HMGB2: variants seen among roughly 807,000 people sequenced by gnomAD.
HMGB2 encodes the protein high mobility group protein B2.
A neutral mutation model predicts 23.0 loss-of-function variants in HMGB2; 2 were observed. That is an observed-to-expected ratio of 0.09 (90% CI 0.04 to 0.27). The LOEUF (loss-of-function observed/expected upper bound fraction) is 0.27, where lower values mean the gene tolerates loss of function less well. HMGB2 is among the 10% of genes least tolerant of loss of function. HMGB2 has a pLI of 1.00. For synonymous variants in HMGB2, 99 were observed against 87.5 expected (o/e 1.13, Z -0.73); for missense variants, 178 against 256.5 (o/e 0.69, Z 2.09).
rs563267252 is a variant in HMGB2, at chr4:173,331,492, T to C, written c.*588A>G. Among the ~76,000 whole-genome samples, 8 of 150,852 alleles carry C rather than the reference T, an allele frequency of 5.3e-5. No homozygotes were observed. Among genetic ancestry groups the C allele is most frequent in the Non-Finnish European group, 1.0e-4 (7 of 67,790 alleles). ...TTCTGTAAAACTGCATAAATTCTTA[T>C]AAAGTTCACTGAGTTCAACATGTAA... On this transcript the variant is annotated 3_prime_UTR_variant, in exon 5 of 5. Coordinates refer to ENST00000296503, the MANE Select transcript of HMGB2 (RefSeq NM_002129.4).
intron 4 of HMGB2, 85 bp downstream of exon 4, chr4:173,332,736 C>A (rs1738137407): frequency 1.7e-6 from 2 of 1,204,550 alleles, no homozygotes; most frequent in Non-Finnish European, 2.4e-6. Flanking sequence ...ACCATTAATA[C>A]AAGATTAACT....
chr4:173,333,207 G>C lies in HMGB2; in HGVS notation c.158C>G (p.Ser53Cys). 6.2e-7 allele frequency: 1 copy of C among 1,613,620 alleles called. No homozygotes were observed. Among genetic ancestry groups the C allele is most frequent in the South Asian group, 1.1e-5 (1 of 91,034 alleles). The stretch of plus-strand genomic sequence containing the variant: ...TTCAAACTTCGACTTCTCCTTTGCA[G>C]ACATGGTCTGTGGACATAAAATAAG... ...KKCSERWKTM[S>C]AKEKSKFEDM... is the part of the protein sequence containing the mutation. Residue 53 changes from serine to cysteine, a missense_variant, in exon 3 of 5, where the codon TCT becomes TGT. Physicochemically the swap from Ser to Cys is moderately radical, Grantham distance 112. This residue lies in a region of HMGB2 where 90 missense variants were observed against 114.4 expected (regional missense o/e 0.79). Transcript: ENST00000296503. This position sits in a 1 kb window ranked among gnomAD's most constrained non-coding sequence, Gnocchi z 4.6.
Position 173,331,783 on chromosome 4 carries a change from C to T in HMGB2, c.*297G>A, listed in dbSNP as rs966729154. ...AAAAACCCAAAATTTACTATTGATA[C>T]TAATTCCTACAAGTTTGCTGTGCTA... is the stretch of plus-strand genomic sequence containing the variant. On this transcript the variant is annotated 3_prime_UTR_variant, in exon 5 of 5. Transcript: ENST00000296503. 5 of 265,276 alleles carry T rather than the reference C, an allele frequency of 1.9e-5. No individual in the cohort carries two copies. Among genetic ancestry groups the T allele is most frequent in the Middle Eastern group, 1.1e-3 (1 of 892 alleles). The allele number at this position is 265,276 out of a possible 1,614,324, so 16.4% of individuals were successfully genotyped here.
Position 173,332,131 on chromosome 4 carries a change from C to T in HMGB2, c.579G>A (p.Glu193=). 6.2e-7 allele frequency: 1 copy of T among 1,608,818 alleles called. No homozygotes were observed. Among genetic ancestry groups the T allele is most frequent in the Non-Finnish European group, 8.5e-7 (1 of 1,175,510 alleles). ...CCTCATCTTCATCTTCTTCTTCCTC[C>T]TCCTCCTCCTCATCTTCTGGTTCGT... The part of the protein sequence containing the change: ...KKNEPEDEEE[E]EEEEDEDEEE... Residue 193 remains glutamate (E), a synonymous_variant, in exon 5 of 5, where the codon GAG becomes GAA. Transcript: ENST00000296503.
At position 173,333,300 on chromosome 4, in the gene HMGB2, C is replaced by A; in HGVS notation, c.151-86G>T. 6.8e-7 allele frequency: 1 copy of A among 1,461,788 alleles called. No individual in the cohort carries two copies. 90.6% of individuals were successfully genotyped at this position (1,461,788 alleles called of 1,614,324 possible). On this transcript the variant is annotated intron_variant, in intron 2 of 4. Coordinates refer to ENST00000296503, the MANE Select transcript of HMGB2 (RefSeq NM_002129.4). The surrounding 1 kb of genome is among the most constrained non-coding windows in gnomAD (Gnocchi z 4.6). ...ACGACAAGATCATCTTTAAGGACCA[C>A]ATTTTCCTTAACAGCATTTTGCTTT...
Position 173,333,231 on chromosome 4 carries a change from A to G in HMGB2, c.151-17T>C. 6.2e-7 allele frequency: 1 copy of G among 1,603,608 alleles called. No homozygotes were observed. Among genetic ancestry groups the G allele is most frequent in the Non-Finnish European group, 8.5e-7 (1 of 1,176,314 alleles). On this transcript the variant is annotated splice_polypyrimidine_tract_variant and intron_variant, in intron 2 of 4. Coordinates refer to ENST00000296503, the MANE Select transcript of HMGB2 (RefSeq NM_002129.4). The surrounding 1 kb of genome is among the most constrained non-coding windows in gnomAD (Gnocchi z 4.6). The stretch of plus-strand genomic sequence containing the variant: ...AGACATGGTCTGTGGACATAAAATA[A>G]GAGCCAAAAATACAGCAAAATTGTT...
At position 173,333,223 on chromosome 4, in the gene HMGB2, A is replaced by G. The variant is rs542465813; in HGVS notation, c.151-9T>C. 7 of 1,605,230 alleles carry G rather than the reference A, an allele frequency of 4.4e-6. No individual in the cohort carries two copies. The highest frequency in any genetic ancestry group is 3.3e-5 in the South Asian group (3 of 89,774). Reference sequence around the variant, plus strand: ...TCCTTTGCAGACATGGTCTGTGGACATAAAATAAGAGCCAAAAATACAGCA... The same window carrying G: ...TCCTTTGCAGACATGGTCTGTGGACGTAAAATAAGAGCCAAAAATACAGCA... On this transcript the variant is annotated splice_polypyrimidine_tract_variant and intron_variant, in intron 2 of 4. Transcript: ENST00000296503. The surrounding 1 kb of genome is among the most constrained non-coding windows in gnomAD (Gnocchi z 4.6).
Position 173,333,017 on chromosome 4 carries a change from T to C in HMGB2, c.297-22A>G. 6.2e-7 allele frequency: 1 copy of C among 1,612,892 alleles called. No individual in the cohort carries two copies. On this transcript the variant is annotated intron_variant, in intron 3 of 4. Transcript: ENST00000296503. The surrounding 1 kb of genome is among the most constrained non-coding windows in gnomAD (Gnocchi z 4.6). ...AGATCTGAAAGGAAGCAACAGAGTT[T>C]AATAAACTGAAGGAAAAATCCAAGG... is the stretch of plus-strand genomic sequence containing the variant.
In HMGB2 at chr4:173,331,387, T is replaced by TATAC. The variant is rs1305945283; in HGVS notation, c.*692_*693insGTAT. ...GTGTATATATATACATATATATATA[T>TATAC]ATATATATGTATATATATATACACA... is the stretch of plus-strand genomic sequence containing the variant. On this transcript the variant is annotated 3_prime_UTR_variant, in exon 5 of 5. Coordinates refer to ENST00000296503, the MANE Select transcript of HMGB2 (RefSeq NM_002129.4). Among the ~76,000 whole-genome samples, 16 of 140,512 alleles carry TATAC rather than the reference T, an allele frequency of 1.1e-4. No individual in the cohort carries two copies. The highest frequency in any genetic ancestry group is 2.6e-4 in the African/African-American group (9 of 34,754). The allele number at this position is 140,512 out of a possible 152,430, so 92.2% of individuals were successfully genotyped here.
At position 173,333,057 on chromosome 4, in the gene HMGB2, T is replaced by C; in HGVS notation, c.296+12A>G. The C allele has an allele frequency of 6.2e-7, 1 of 1,613,056 alleles. No homozygotes were observed. The highest frequency in any genetic ancestry group is 8.5e-7 in the Non-Finnish European group (1 of 1,179,486). ...AAAATCCAAGGAGCAATTTGGGTTA[T>C]TTTAAACTTACGGTGGCCTTTTAGG... On this transcript the variant is annotated intron_variant, in intron 3 of 4. Coordinates refer to ENST00000296503, the MANE Select transcript of HMGB2 (RefSeq NM_002129.4). This position sits in a 1 kb window ranked among gnomAD's most constrained non-coding sequence, Gnocchi z 4.6.
chr4:173,331,902 G>A lies in HMGB2; in HGVS notation c.*178C>T. 1.2e-6 allele frequency: 1 copy of A among 824,322 alleles called. No individual in the cohort carries two copies. The allele number at this position is 824,322 out of a possible 1,614,324, so 51.1% of individuals were successfully genotyped here. ...AACTGTATGAGTAGCCCATCAAAAA[G>A]CTACAACCTGCATTTTTTAAAAGTA... On this transcript the variant is annotated 3_prime_UTR_variant, in exon 5 of 5. Transcript: ENST00000296503.
chr4:173,333,209 C>G lies in HMGB2; in HGVS notation c.156G>C (p.Met52Ile). The G allele has an allele frequency of 1.2e-6, 2 of 1,613,606 alleles. No individual in the cohort carries two copies. The highest frequency in any genetic ancestry group is 1.7e-6 in the Non-Finnish European group (2 of 1,179,874). Residue 52 changes from methionine (M) to isoleucine (I), a missense_variant, in exon 3 of 5, where the codon ATG (methionine) becomes ATC (isoleucine). Physicochemically the swap from Met to Ile is conservative, Grantham distance 10. Coordinates refer to ENST00000296503, the MANE Select transcript of HMGB2 (RefSeq NM_002129.4). The surrounding 1 kb of genome is among the most constrained non-coding windows in gnomAD (Gnocchi z 4.6). Reference sequence around the variant, plus strand: ...CAAACTTCGACTTCTCCTTTGCAGACATGGTCTGTGGACATAAAATAAGAG... The same window carrying G: ...CAAACTTCGACTTCTCCTTTGCAGAGATGGTCTGTGGACATAAAATAAGAG... ...SKKCSERWKT[M>I]SAKEKSKFED...
intron 1 of HMGB2, 78 bp downstream of exon 1, chr4:173,334,194 G>A (rs111944296): frequency 0.014 from 2,086 of 152,526 alleles, 59 homozygotes; most frequent in African/African-American, 0.047. Context: ...GAGCCACTGC[G>A]CCGAGACCGA....
rs1449774056 is a variant in HMGB2 at position 173,333,057 on chromosome 4, T to G, written c.296+12A>C. On this transcript the variant is annotated intron_variant, in intron 3 of 4. Coordinates refer to ENST00000296503, the MANE Select transcript of HMGB2 (RefSeq NM_002129.4). This position sits in a 1 kb window ranked among gnomAD's most constrained non-coding sequence, Gnocchi z 4.6. ...AAAATCCAAGGAGCAATTTGGGTTA[T>G]TTTAAACTTACGGTGGCCTTTTAGG... The G allele has an allele frequency of 6.2e-7, 1 of 1,613,056 alleles. No individual in the cohort carries two copies. Among genetic ancestry groups the G allele is most frequent in the Admixed American group, 1.7e-5 (1 of 59,794 alleles).
Position 173,333,857 on chromosome 4 carries a change from C to T in HMGB2, c.-20-188G>A, listed in dbSNP as rs909721821. Among the ~76,000 whole-genome samples the T allele has an allele frequency of 2.0e-5, 3 of 147,628 alleles. No homozygotes were observed. The highest frequency in any genetic ancestry group is 4.4e-5 in the Non-Finnish European group (3 of 67,726). ...CCCCCGCCCGCGCCCCGGCGCACACCCTCCTCCTCCTCCTCCTCCCGGCCC... is the reference window on the plus strand; with the variant it reads ...CCCCCGCCCGCGCCCCGGCGCACACTCTCCTCCTCCTCCTCCTCCCGGCCC... On this transcript the variant is annotated intron_variant, in intron 1 of 4. Transcript: ENST00000296503. The surrounding 1 kb of genome is among the most constrained non-coding windows in gnomAD (Gnocchi z 4.6).
rs1384493900 is a variant in HMGB2, at chr4:173,331,466, G to C, written c.*614C>G. Among the ~76,000 whole-genome samples, 1 of 148,114 alleles carries C rather than the reference G, an allele frequency of 6.8e-6. No homozygotes were observed. The highest frequency in any genetic ancestry group is 1.5e-5 in the Non-Finnish European group (1 of 67,394). ...AGAAACGTCAAGTACAAAACTTAACGTTCTGTAAAACTGCATAAATTCTTA... is the reference window on the plus strand; with the variant it reads ...AGAAACGTCAAGTACAAAACTTAACCTTCTGTAAAACTGCATAAATTCTTA... On this transcript the variant is annotated 3_prime_UTR_variant, in exon 5 of 5. Transcript: ENST00000296503.
At chr4:173,332,781 C>T in intron 4 of HMGB2, 40 bp downstream of exon 4, 1 of 1,560,312 alleles carries the variant, frequency 6.4e-7, no homozygotes, top group South Asian at 1.1e-5. Flanking sequence ...ATTACCTATA[C>T]CTAGTCTTAT....
rs753124979 is a variant in HMGB2 at position 173,333,051 on chromosome 4, G to A, written c.296+18C>T. The A allele has an allele frequency of 6.2e-6, 10 of 1,612,504 alleles. No homozygotes were observed. Among genetic ancestry groups the A allele is most frequent in the Non-Finnish European group, 7.6e-6 (9 of 1,179,048 alleles). On this transcript the variant is annotated intron_variant, in intron 3 of 4. Coordinates refer to ENST00000296503, the MANE Select transcript of HMGB2 (RefSeq NM_002129.4). This position sits in a 1 kb window ranked among gnomAD's most constrained non-coding sequence, Gnocchi z 4.6. ...GAAGGAAAAATCCAAGGAGCAATTT[G>A]GGTTATTTTAAACTTACGGTGGCCT...
chr4:173,332,418 G>A (rs138017529), intron 4 of HMGB2, 180 bp from the exon 5 acceptor site: 14 of 564,664 alleles, frequency 2.5e-5, no homozygotes, highest in Non-Finnish European at 4.0e-5. Context: ...GACGTAAAAT[G>A]ACAAGGGTTG....
Sources: allele counts gnomAD v4.1 joint callset (sites outside exome capture counted in the v4.1 genomes callset), GRCh38; gene constraint gnomAD v4.1.1; regional missense constraint gnomAD v4.1.1; non-coding constraint Gnocchi (gnomAD v3.1); transcripts MANE v1.5; gene names NCBI Gene and HGNC (gene_info 2026-07-23, HGNC 2026-07-21).